WDR20: variants seen among roughly 807,000 people sequenced by gnomAD.
The protein encoded by WDR20 is WD repeat domain 20.
A neutral mutation model predicts 38.7 loss-of-function variants in WDR20; 3 were observed. The ratio of observed to expected loss-of-function variants is 0.08; its 90% CI spans 0.04 to 0.20. The LOEUF (loss-of-function observed/expected upper bound fraction) is 0.20. Ranked by LOEUF, WDR20 falls within the 10% of genes least tolerant of loss-of-function variation. WDR20 has a pLI of 1.00. For synonymous variants in WDR20, 298 were observed against 285.6 expected (o/e 1.04, Z -0.44); for missense variants, 559 against 727.7 (o/e 0.77, Z 2.67).
At chr14:102,214,609 C>T, downstream of WDR20, 8 of 985,128 alleles carry the variant, frequency 8.1e-6, no homozygotes, top group Non-Finnish European at 9.6e-6. Flanking sequence ...TTTCTGTATA[C>T]TTGAGTTTAT....
intron 1 of WDR20, among the ~76,000 whole-genome samples, chr14:102,148,084 CAG>C (rs1373991491): frequency 6.6e-6 from 1 of 152,138 alleles, no homozygotes; most frequent in East Asian, 1.9e-4. Flanking sequence ...TTTAGTATCT[CAG>C]AGAATAATTC....
At chr14:102,190,637 G>C (rs1043623977) in intron 1 of WDR20, among the ~76,000 whole-genome samples, 1 of 152,000 alleles carries the variant, frequency 6.6e-6, no homozygotes, top group African/African-American at 2.4e-5. Context: ...ATTGCTGTTG[G>C]GGAGGATGGG....
Position 102,140,090 on chromosome 14 carries a change from A to T in WDR20, c.167A>T (p.Asn56Ile). The T allele has an allele frequency of 6.2e-7, 1 of 1,614,206 alleles. No homozygotes were observed. Among genetic ancestry groups the T allele is most frequent in the East Asian group, 2.2e-5 (1 of 44,886 alleles). The change falls in exon 1 of 3, where the codon AAC (asparagine) becomes ATC (isoleucine). Residue 56 changes from asparagine (N) to isoleucine (I), a missense_variant. Physicochemically the swap from Asn to Ile is moderately radical, Grantham distance 149. Transcript: ENST00000342702. ...NPVRVSFVNLNDQSGNGDRLC... is the reference protein window; with the variant it reads ...NPVRVSFVNLIDQSGNGDRLC... Reference sequence around the variant, plus strand: ...GTCCGCGTCTCCTTCGTAAACCTCAACGACCAGTCTGGCAACGGCGACCGC... The same window carrying T: ...GTCCGCGTCTCCTTCGTAAACCTCATCGACCAGTCTGGCAACGGCGACCGC...
chr14:102,198,015 C>T (rs1596696921), intron 2 of WDR20: 2 of 476,502 alleles, frequency 4.2e-6, no homozygotes, highest in East Asian at 6.2e-5. Context: ...CCCCGAAACA[C>T]TGGTGACCAC....
At chr14:102,218,285 C>T (rs374727720), downstream of WDR20, among the ~76,000 whole-genome samples, 1 of 152,252 alleles carries the variant, frequency 6.6e-6, no homozygotes, top group South Asian at 2.1e-4. Context: ...CCCACACTCT[C>T]ATCCACATCC....
chr14:102,206,705 C>T (rs566685505), intron 2 of WDR20, among the ~76,000 whole-genome samples: 1 of 152,284 alleles, frequency 6.6e-6, no homozygotes, highest in South Asian at 2.1e-4. Flanking sequence ...AGTGATGGAG[C>T]GAGCTGCAGA....
At chr14:102,139,689 G>A (rs1209052256), upstream of WDR20, 5 of 675,940 alleles carry the variant, frequency 7.4e-6, no homozygotes, top group South Asian at 2.0e-5. Context: ...CCACACCCGG[G>A]GGAGGAGCCT....
At chr14:102,203,599 G>T (rs2152988350) in intron 2 of WDR20, among the ~76,000 whole-genome samples, 1 of 152,220 alleles carries the variant, frequency 6.6e-6, no homozygotes, top group South Asian at 2.1e-4. Context: ...ACATGGCCTG[G>T]ATCCCCACCC....
intron 1 of WDR20, among the ~76,000 whole-genome samples, chr14:102,160,556 CTCTT>C (rs1195230317): frequency 1.2e-4 from 19 of 152,086 alleles, no homozygotes; most frequent in Admixed American, 1.1e-3. Flanking sequence ...GAGAGCTTCA[CTCTT>C]TCTTGTCATT....
intron 1 of WDR20, among the ~76,000 whole-genome samples, chr14:102,174,601 A>G (rs1266858936): frequency 6.6e-6 from 1 of 151,790 alleles, no homozygotes; most frequent in African/African-American, 2.4e-5. Flanking sequence ...TTGTATTTTT[A>G]GTAGAGACGG....
chr14:102,178,381 G>A (rs1596351750), intron 1 of WDR20, among the ~76,000 whole-genome samples: 1 of 121,416 alleles, frequency 8.2e-6, no homozygotes, highest in Non-Finnish European at 1.7e-5. Flanking sequence ...TACAGAGTGC[G>A]ACTCTGTCTC....
intron 2 of WDR20, among the ~76,000 whole-genome samples, chr14:102,203,974 C>T (rs2061012295): frequency 6.6e-6 from 1 of 152,200 alleles, no homozygotes; most frequent in African/African-American, 2.4e-5. Context: ...GTTCTGTTCT[C>T]TTCCTCTTTT....
chr14:102,177,006 G>A (rs766096365), intron 1 of WDR20, among the ~76,000 whole-genome samples: 19 of 152,160 alleles, frequency 1.2e-4, no homozygotes, highest in Non-Finnish European at 2.2e-4. Flanking sequence ...GGGATTACAG[G>A]CGTAAGCCAC....
chr14:102,207,112 A>G lies in WDR20; in HGVS notation c.433-1491A>G, dbSNP rs879374979. Among the ~76,000 whole-genome samples the G allele has an allele frequency of 4.6e-5, 7 of 152,284 alleles. No individual in the cohort carries two copies. The highest frequency in any genetic ancestry group is 3.3e-4 in the Admixed American group (5 of 15,306). On this transcript the variant is annotated intron_variant, in intron 2 of 2. Transcript: ENST00000342702. The surrounding 1 kb of genome is among the most constrained non-coding windows in gnomAD (Gnocchi z 5.0). ...CCCAAGGCTGGCTTGCCACGTGCCT[A>G]TTAATTTAAGAGGACCAGCCATGCC...
intron 1 of WDR20, among the ~76,000 whole-genome samples, chr14:102,156,845 G>C (rs539279457): frequency 4.1e-4 from 63 of 152,166 alleles, no homozygotes; most frequent in Non-Finnish European, 4.6e-4. Context: ...ACAAAAACTA[G>C]CTGGGCGTGG....
At position 102,221,372 on chromosome 14, in the gene WDR20, G is replaced by A. The variant is rs2063874174; in HGVS notation, c.1693-1458G>A. Among the ~76,000 whole-genome samples the A allele has an allele frequency of 1.3e-5, 2 of 152,352 alleles. No homozygotes were observed. Among genetic ancestry groups the A allele is most frequent in the Middle Eastern group, 3.4e-3 (1 of 294 alleles). On this transcript the variant is annotated intron_variant, in intron 3 of 3. Coordinates refer to the WDR20 transcript ENST00000335263. This position sits in a 1 kb window ranked among gnomAD's most constrained non-coding sequence, Gnocchi z 4.8. The stretch of plus-strand genomic sequence containing the variant: ...CTTGTGGAAAGCACTTTCTTAGGGT[G>A]CGCGTGGTGATGAAGGCAGAGTGTC...
At chr14:102,177,184 T>C (rs756555750) in intron 1 of WDR20, among the ~76,000 whole-genome samples, 29 of 152,338 alleles carry the variant, frequency 1.9e-4, no homozygotes, top group South Asian at 1.5e-3. Context: ...GATTCTCCCA[T>C]TCAGATATTG....
At chr14:102,218,042 C>G (rs2153055562), downstream of WDR20, among the ~76,000 whole-genome samples, 1 of 152,346 alleles carries the variant, frequency 6.6e-6, no homozygotes, top group South Asian at 2.1e-4. Context: ...CCAGCTGGCA[C>G]CAAGCTCCCG....
intron 1 of WDR20, among the ~76,000 whole-genome samples, chr14:102,188,606 A>G (rs1596512314): frequency 2.0e-5 from 3 of 151,950 alleles, no homozygotes; most frequent in Non-Finnish European, 4.4e-5. Context: ...GGTGACTTAC[A>G]TCTGTAATCC....
Sources: allele counts gnomAD v4.1 joint callset (sites outside exome capture counted in the v4.1 genomes callset), GRCh38; gene constraint gnomAD v4.1.1; non-coding constraint Gnocchi (gnomAD v3.1); transcripts MANE v1.5; gene names NCBI Gene and HGNC (gene_info 2026-07-23, HGNC 2026-07-21).